GABRA3: variants seen among roughly 807,000 people sequenced by gnomAD.
GABRA3 encodes the protein gamma-aminobutyric acid receptor subunit alpha-3.
In GABRA3, 10 loss-of-function variants were observed where a neutral mutation model predicts 30.1. That is an observed-to-expected ratio of 0.33 (90% CI 0.20 to 0.56). The LOEUF (loss-of-function observed/expected upper bound fraction) is 0.56. GABRA3 is among the 20% of genes least tolerant of loss of function. The probability of loss-of-function intolerance (pLI) is 0.89; values close to 1 mark genes in which losing one functional copy is unlikely to be tolerated. For missense variants in GABRA3, 233 were observed against 392.0 expected, an observed-to-expected ratio of 0.59 and a Z score of 3.42; for synonymous variants, 151 against 146.8, an observed-to-expected ratio of 1.03 and a Z score of -0.21.
chrX:152,401,556 A>T (rs1929797385), intron 1 of GABRA3, among the ~76,000 whole-genome samples: 1 of 111,518 alleles, frequency 9.0e-6, no homozygotes, highest in Non-Finnish European at 1.9e-5. Context: ...AATTACTAAT[A>T]AGTGTAAAAG....
rs1205375646 is a variant in GABRA3 at position 152,194,276 on chromosome X, C to G, written c.931+3357G>C. Among the ~76,000 whole-genome samples, 8 of 111,470 alleles carry G rather than the reference C, an allele frequency of 7.2e-5. No individual in the cohort carries two copies. The Admixed American group carries it at 7.6e-4, about 11-fold the overall frequency. ...TTAAAAAAAGATGATGTTAAGGATC[C>G]TTTTACATGATTATGGGCATTTGTA... is the stretch of plus-strand genomic sequence containing the variant. On this transcript the variant is annotated intron_variant, in intron 8 of 9. Coordinates refer to ENST00000370314, the MANE Select transcript of GABRA3 (RefSeq NM_000808.4).
intron 9 of GABRA3, among the ~76,000 whole-genome samples, chrX:152,182,308 T>TACACAC (rs1243698405): frequency 1.1e-5 from 1 of 94,907 alleles, no homozygotes; most frequent in Non-Finnish European, 2.0e-5. Context: ...GTTATATATA[T>TACACAC]ATATACACAC....
chrX:152,362,401 A>T (rs963525571), intron 2 of GABRA3, among the ~76,000 whole-genome samples: 2 of 111,516 alleles, frequency 1.8e-5, no homozygotes, highest in African/African-American at 6.5e-5. Flanking sequence ...ACATTGCTGA[A>T]CACAGTTTGG....
intron 7 of GABRA3, among the ~76,000 whole-genome samples, chrX:152,199,365 A>AAAAAAG (rs1937446750): frequency 9.9e-6 from 1 of 101,069 alleles, no homozygotes; most frequent in Non-Finnish European, 2.0e-5. Flanking sequence ...ACTCTGTCTC[A>AAAAAAG]AAAAAAAAAA....
chrX:152,224,529 C>T (rs1182896411), intron 6 of GABRA3, among the ~76,000 whole-genome samples: 1 of 111,482 alleles, frequency 9.0e-6, no homozygotes. Context: ...AGAAATTAGT[C>T]TGAAATAGCA....
chrX:152,274,344 C>A (rs1939002497), intron 4 of GABRA3, among the ~76,000 whole-genome samples: 1 of 110,648 alleles, frequency 9.0e-6, no homozygotes, highest in Non-Finnish European at 1.9e-5. Context: ...AACTTATCTA[C>A]TTAACACTTA....
intron 1 of GABRA3, among the ~76,000 whole-genome samples, chrX:152,434,173 G>GT (rs1209249339): frequency 2.7e-5 from 3 of 110,934 alleles, no homozygotes; most frequent in African/African-American, 9.8e-5. Context: ...ATTTGAGTCA[G>GT]CGGGCTGGGG....
At chrX:152,170,531 G>A (rs61494582) in intron 9 of GABRA3, among the ~76,000 whole-genome samples, 23,081 of 111,011 alleles carry the variant, frequency 0.21, 1,781 homozygotes, top group Admixed American at 0.28. Context: ...GCCCAGGCTG[G>A]TCTTGTACTC....
intron 5 of GABRA3, among the ~76,000 whole-genome samples, chrX:152,243,327 G>T (rs1453814911): frequency 4.5e-5 from 5 of 112,044 alleles, no homozygotes; most frequent in Non-Finnish European, 9.4e-5. Flanking sequence ...AAATCGCTGA[G>T]AGCAGAATTT....
intron 1 of GABRA3, chrX:152,394,272 G>C: frequency 3.6e-6 from 1 of 274,901 alleles, no homozygotes. Flanking sequence ...CAGTCATTTT[G>C]GCTCCACTAT....
rs992269689 is a variant in GABRA3, at chrX:152,224,255, G to C, written c.634+508C>G. ...GGACTATATATTTACTACTTTTTCTGTAAAATGTACAGCTACTGGAAAAGG... is the reference window on the plus strand; with the variant it reads ...GGACTATATATTTACTACTTTTTCTCTAAAATGTACAGCTACTGGAAAAGG... On this transcript the variant is annotated intron_variant, in intron 6 of 9. Transcript: ENST00000370314. Among the ~76,000 whole-genome samples the C allele has an allele frequency of 2.7e-5, 3 of 111,774 alleles. No individual in the cohort carries two copies. In the Admixed American group the frequency reaches 2.9e-4, roughly 11 times the overall value.
intron 2 of GABRA3, among the ~76,000 whole-genome samples, chrX:152,353,717 C>T (rs1262117860): frequency 1.8e-5 from 2 of 111,715 alleles, no homozygotes; most frequent in African/African-American, 6.5e-5. Context: ...AATGAGCTGG[C>T]CATCAGCTCA....
At chrX:152,365,585 C>A (rs746902549) in intron 1 of GABRA3, among the ~76,000 whole-genome samples, 1 of 111,737 alleles carries the variant, frequency 8.9e-6, no homozygotes, top group East Asian at 2.8e-4. Context: ...AGACCTAACT[C>A]TGACCCAACA....
chrX:152,213,069 T>A (rs1470893432), intron 6 of GABRA3, among the ~76,000 whole-genome samples: 1 of 111,786 alleles, frequency 8.9e-6, no homozygotes, highest in African/African-American at 3.3e-5. Flanking sequence ...TCATGAGCTA[T>A]AATGGCAAAA....
intron 2 of GABRA3, among the ~76,000 whole-genome samples, chrX:152,346,349 T>A (rs1279949139): frequency 2.7e-5 from 3 of 111,472 alleles, no homozygotes; most frequent in Non-Finnish European, 5.7e-5. Context: ...CAAAATGGAT[T>A]AAAAGACTGA....
chrX:152,220,938 C>CT (rs1937823994), intron 6 of GABRA3, among the ~76,000 whole-genome samples: 1 of 109,703 alleles, frequency 9.1e-6, no homozygotes, highest in Admixed American at 9.8e-5. Flanking sequence ...AGACTTTGGC[C>CT]TTTTTTCTAT....
intron 2 of GABRA3, among the ~76,000 whole-genome samples, chrX:152,352,907 A>AAT (rs1940499541): frequency 9.0e-6 from 1 of 111,083 alleles, no homozygotes; most frequent in Admixed American, 9.6e-5. Flanking sequence ...ACCATTTCCA[A>AAT]ATATTCCTCA....
chrX:152,396,196 T>C, intron 1 of GABRA3, among the ~76,000 whole-genome samples: 1 of 111,501 alleles, frequency 9.0e-6, no homozygotes, highest in Non-Finnish European at 1.9e-5. Flanking sequence ...AGTTAGAGAT[T>C]GGAGTGATGC....
At chrX:152,282,217 G>A (rs1426527628) in intron 4 of GABRA3, among the ~76,000 whole-genome samples, 1 of 111,261 alleles carries the variant, frequency 9.0e-6, no homozygotes. Flanking sequence ...AAGTATTTTG[G>A]ACCCAAACGC....
Sources: gnomAD v4.1 joint callset for allele counts (sites outside exome capture counted in the v4.1 genomes callset) on GRCh38, gnomAD v4.1.1 for gene constraint, MANE v1.5 for transcripts, NCBI Gene and HGNC (gene_info 2026-07-23, HGNC 2026-07-21) for gene names.